PIK3R3: variants seen among roughly 807,000 people sequenced by gnomAD.
The protein encoded by PIK3R3 is phosphoinositide-3-kinase regulatory subunit 3, also known as phosphatidylinositol 3-kinase regulatory subunit gamma.
In PIK3R3, 64 loss-of-function variants were observed where a neutral mutation model predicts 62.9. That is an observed-to-expected ratio of 1.02 (90% CI 0.83 to 1.25). The LOEUF (loss-of-function observed/expected upper bound fraction) is 1.25, where lower values mean the gene tolerates loss of function less well. Ranked by LOEUF, PIK3R3 falls within the 50% of genes most tolerant of loss-of-function variation. The pLI is 0.00. For missense variants in PIK3R3, 614 were observed against 561.6 expected, an observed-to-expected ratio of 1.09 and a Z score of -0.94; for synonymous variants, 165 against 189.0, an observed-to-expected ratio of 0.87 and a Z score of 1.04.
intron 1 of PIK3R3, among the ~76,000 whole-genome samples, chr1:46,092,762 G>C (rs7533750): frequency 0.19 from 29,366 of 151,874 alleles, 3,448 homozygotes; most frequent in Non-Finnish European, 0.26. Flanking sequence ...TTTCACCTCA[G>C]TAAGACCTCT....
At position 46,061,983 on chromosome 1, in the gene PIK3R3, C is replaced by T; in HGVS notation, c.710G>A (p.Ser237Asn). ...GCGAAATCGCTCAATATATTCTTTG[C>T]TATGTTGTTCTTGTGTGTGACACTG... ...EEQCHTQEQH[S>N]KEYIERFRRE... The change falls in exon 6 of 10, where the codon AGC (serine) becomes AAC (asparagine). Residue 237 changes from serine to asparagine, a missense_variant. Coordinates refer to ENST00000262741, the MANE Select transcript of PIK3R3 (RefSeq NM_003629.4). The T allele has an allele frequency of 6.2e-7, 1 of 1,612,734 alleles. No homozygotes were observed. The highest frequency in any genetic ancestry group is 8.5e-7 in the Non-Finnish European group (1 of 1,178,876).
At chr1:46,129,833 C>T (rs1655422897) in intron 1 of PIK3R3, among the ~76,000 whole-genome samples, 1 of 152,130 alleles carries the variant, frequency 6.6e-6, no homozygotes, top group Admixed American at 6.5e-5. Flanking sequence ...CCATATTCTA[C>T]ATTAAAGCTA....
chr1:46,165,089 C>T, the PIK3R3 span, among the ~76,000 whole-genome samples: 3 of 152,006 alleles, frequency 2.0e-5, no homozygotes, highest in African/African-American at 4.8e-5. Flanking sequence ...CGAGTAACTT[C>T]CTCCCTTTGT....
At chr1:46,145,798 G>T in the PIK3R3 span, among the ~76,000 whole-genome samples, 1 of 152,142 alleles carries the variant, frequency 6.6e-6, no homozygotes, top group African/African-American at 2.4e-5. Flanking sequence ...TGGTTCTAAA[G>T]GTGCTGATAC....
At chr1:46,049,949 G>C (rs549825002) in intron 7 of PIK3R3, among the ~76,000 whole-genome samples, 1 of 150,044 alleles carries the variant, frequency 6.7e-6, no homozygotes, top group African/African-American at 2.5e-5. Flanking sequence ...GTGAAACCCC[G>C]TTCCTACTAA....
chr1:46,168,713 C>T, the PIK3R3 span, among the ~76,000 whole-genome samples: 1 of 152,222 alleles, frequency 6.6e-6, no homozygotes, highest in Non-Finnish European at 1.5e-5. Context: ...GGTGTCAACA[C>T]ATCATGATGC....
chr1:46,086,860 C>A (rs532577190), intron 1 of PIK3R3, among the ~76,000 whole-genome samples: 2 of 152,280 alleles, frequency 1.3e-5, no homozygotes, highest in Non-Finnish European at 2.9e-5. Flanking sequence ...CTCCTCCCTA[C>A]CTGCCCAAGC....
intron 1 of PIK3R3, among the ~76,000 whole-genome samples, chr1:46,125,407 T>C (rs2149473319): frequency 6.6e-6 from 1 of 152,218 alleles, no homozygotes; most frequent in Non-Finnish European, 1.5e-5. Context: ...GAGAAGTATT[T>C]ATATAAGATG....
chr1:46,160,570 C>G, the PIK3R3 span, among the ~76,000 whole-genome samples: 2 of 152,230 alleles, frequency 1.3e-5, no homozygotes, highest in South Asian at 4.1e-4. Flanking sequence ...TTCTTGGCAT[C>G]TCTTAACTAA....
intron 1 of PIK3R3, among the ~76,000 whole-genome samples, chr1:46,085,799 T>C (rs775039339): frequency 1.3e-5 from 2 of 152,244 alleles, no homozygotes; most frequent in Non-Finnish European, 2.9e-5. Context: ...CCTAAGCAAA[T>C]ACCTTCTGAA....
chr1:46,055,744 T>G (rs1334226407), intron 7 of PIK3R3, 51 bp downstream of exon 7: 1 of 1,168,188 alleles, frequency 8.6e-7, no homozygotes, highest in Non-Finnish European at 1.2e-6. Context: ...CTAGTGCTGG[T>G]AGTAACCTGG....
intron 1 of PIK3R3, among the ~76,000 whole-genome samples, chr1:46,097,608 C>A (rs1365641863): frequency 1.3e-5 from 2 of 151,368 alleles, no homozygotes; most frequent in African/African-American, 4.9e-5. Context: ...TAGCCAGGGG[C>A]TGGGCGTGGT....
chr1:46,102,175 C>T (rs1187087661), intron 1 of PIK3R3, among the ~76,000 whole-genome samples: 6 of 151,452 alleles, frequency 4.0e-5, no homozygotes, highest in Admixed American at 1.3e-4. Flanking sequence ...TTAGTAGAGA[C>T]GGGGTTTCAC....
Position 46,067,110 on chromosome 1 carries a change from C to T in PIK3R3, c.315-19G>A. 6.6e-7 allele frequency: 1 copy of T among 1,513,638 alleles called. No homozygotes were observed. Among genetic ancestry groups the T allele is most frequent in the Non-Finnish European group, 8.8e-7 (1 of 1,133,054 alleles). The allele number at this position is 1,513,638 out of a possible 1,614,324, so 93.8% of individuals were successfully genotyped here. The stretch of plus-strand genomic sequence containing the variant: ...TCCCTTCCTGTGAACAACAAGACAA[C>T]AACTGTGGATTTTTTTCCCCCAAAT... On this transcript the variant is annotated intron_variant, in intron 3 of 9. Transcript: ENST00000262741.
At chr1:46,070,756 A>C (rs1311530906) in intron 3 of PIK3R3, among the ~76,000 whole-genome samples, 1 of 152,164 alleles carries the variant, frequency 6.6e-6, no homozygotes, top group Non-Finnish European at 1.5e-5. Flanking sequence ...CAAGTTTGTT[A>C]AGGATATATT....
chr1:46,041,914 G>C lies in PIK3R3; in HGVS notation c.*1759C>G, dbSNP rs1320396636. ...ATTAAAAATCTGTGTCTACATCATG[G>C]TCCATATTTTAGACCCTGTCATGGA... is the stretch of plus-strand genomic sequence containing the variant. On this transcript the variant is annotated 3_prime_UTR_variant, in exon 10 of 10. Coordinates refer to ENST00000262741, the MANE Select transcript of PIK3R3 (RefSeq NM_003629.4). The C allele has an allele frequency of 9.3e-6, 2 of 216,040 alleles. No individual in the cohort carries two copies. The highest frequency in any genetic ancestry group is 4.5e-5 in the African/African-American group (2 of 44,328). The allele number at this position is 216,040 out of a possible 1,614,324, so 13.4% of individuals were successfully genotyped here.
chr1:46,062,719 G>T (rs1187197094), intron 5 of PIK3R3, among the ~76,000 whole-genome samples: 2 of 152,318 alleles, frequency 1.3e-5, no homozygotes, highest in African/African-American at 2.4e-5. Flanking sequence ...TAGAAGTTTT[G>T]ATGTTTATGG....
intron 3 of PIK3R3, among the ~76,000 whole-genome samples, chr1:46,069,192 T>A (rs963520749): frequency 2.0e-5 from 3 of 152,188 alleles, no homozygotes; most frequent in Non-Finnish European, 2.9e-5. Context: ...AGAATGGAAT[T>A]GTCATTTATT....
At chr1:46,117,602 C>T (rs899375649) in intron 1 of PIK3R3, among the ~76,000 whole-genome samples, 1 of 152,096 alleles carries the variant, frequency 6.6e-6, no homozygotes, top group Non-Finnish European at 1.5e-5. Context: ...GAAAAATTAG[C>T]TGGGCATGGT....
Sources: gnomAD v4.1 joint callset for allele counts (sites outside exome capture counted in the v4.1 genomes callset) on GRCh38, gnomAD v4.1.1 for gene constraint, MANE v1.5 for transcripts, NCBI Gene and HGNC (gene_info 2026-07-23, HGNC 2026-07-21) for gene names.